Variants in FOXN3 observed in about 807,000 individuals in gnomAD.
FOXN3 encodes the protein forkhead box protein N3.
A neutral mutation model predicts 38.4 loss-of-function variants in FOXN3; 7 were observed. The ratio of observed to expected loss-of-function variants is 0.18; its 90% CI spans 0.10 to 0.34. FOXN3 has a LOEUF of 0.34. FOXN3 is among the 10% of genes least tolerant of loss of function. FOXN3 has a pLI of 1.00. For missense variants in FOXN3, 456 were observed against 613.4 expected, an observed-to-expected ratio of 0.74 and a Z score of 2.71; for synonymous variants, 230 against 242.2, an observed-to-expected ratio of 0.95 and a Z score of 0.47.
chr14:89,614,236 C>T (rs897092677), intron 1 of FOXN3, among the ~76,000 whole-genome samples: 2 of 152,162 alleles, frequency 1.3e-5, no homozygotes, highest in Non-Finnish European at 2.9e-5. Context: ...AATAGAATAA[C>T]AGTGATAGAA....
intron 1 of FOXN3, among the ~76,000 whole-genome samples, chr14:89,524,232 A>C (rs2139825645): frequency 6.8e-6 from 1 of 147,794 alleles, no homozygotes; most frequent in Admixed American, 6.7e-5. Context: ...AAATTAGCCA[A>C]GCGAGGTGGT....
chr14:89,436,609 C>G (rs79854945), intron 1 of FOXN3, among the ~76,000 whole-genome samples: 7 of 152,224 alleles, frequency 4.6e-5, no homozygotes. Context: ...CACAAATCAA[C>G]AAGATCCCCC....
chr14:89,566,189 A>G (rs1029789034), intron 1 of FOXN3, among the ~76,000 whole-genome samples: 4 of 152,172 alleles, frequency 2.6e-5, no homozygotes, highest in Non-Finnish European at 5.9e-5. Context: ...ACACTGTACT[A>G]TTTTACCTTT....
rs1158555045 is a variant in FOXN3 at position 89,360,846 on chromosome 14, ACCAC to A, written c.544-10042_544-10039del. Among the ~76,000 whole-genome samples, 19 of 81,660 alleles carry A rather than the reference ACCAC, an allele frequency of 2.3e-4. 2 individuals are homozygous for A. The highest frequency in any genetic ancestry group is 1.3e-3 in the African/African-American group (17 of 13,540). 53.6% of individuals were successfully genotyped at this position (81,660 alleles called of 152,430 possible). A position where few individuals can be genotyped will look rare whatever the true frequency, so the allele number is the denominator to read the frequency against. The stretch of plus-strand genomic sequence containing the variant: ...CACCTCCACCACTACCACCTCCAGC[ACCAC>A]CTCCACCACCACCTCCACCACCACC... On this transcript the variant is annotated intron_variant, in intron 2 of 5. Coordinates refer to ENST00000557258, the MANE Select transcript of FOXN3 (RefSeq NM_005197.4).
intron 1 of FOXN3, among the ~76,000 whole-genome samples, chr14:89,570,034 T>C (rs1224125900): frequency 6.7e-6 from 1 of 150,134 alleles, no homozygotes; most frequent in African/African-American, 2.5e-5. Flanking sequence ...GGAGTCTCAC[T>C]CTGTCGCTCA....
At chr14:89,605,622 A>G (rs551884899) in intron 1 of FOXN3, among the ~76,000 whole-genome samples, 1 of 152,280 alleles carries the variant, frequency 6.6e-6, no homozygotes, top group African/African-American at 2.4e-5. Flanking sequence ...ATATCCAGCT[A>G]CATTTGTACA....
chr14:89,336,853 T>C (rs1888476029), intron 3 of FOXN3, among the ~76,000 whole-genome samples: 1 of 151,998 alleles, frequency 6.6e-6, no homozygotes, highest in Non-Finnish European at 1.5e-5. Context: ...CATCAAAGAG[T>C]TGTATTAGAG....
chr14:89,190,028 C>T (rs1734074713), intron 4 of FOXN3, among the ~76,000 whole-genome samples: 1 of 152,202 alleles, frequency 6.6e-6, no homozygotes, highest in East Asian at 1.9e-4. Context: ...TTAAGTTGAC[C>T]CCATGTAGCC....
chr14:89,598,354 G>A (rs1896099612), intron 1 of FOXN3, among the ~76,000 whole-genome samples: 1 of 152,042 alleles, frequency 6.6e-6, no homozygotes, highest in Non-Finnish European at 1.5e-5. Context: ...TCTGAGCCTT[G>A]ATCGGGGATA....
chr14:89,581,345 G>A (rs10129616), intron 1 of FOXN3, among the ~76,000 whole-genome samples: 8,693 of 152,070 alleles, frequency 0.057, 573 homozygotes, highest in African/African-American at 0.14. Context: ...TGCTGGCCAC[G>A]GTGGTGTGTG....
intron 1 of FOXN3, among the ~76,000 whole-genome samples, chr14:89,435,374 A>T (rs1392531136): frequency 3.0e-5 from 4 of 132,328 alleles, no homozygotes; most frequent in Non-Finnish European, 4.8e-5. Flanking sequence ...CCTGTCTCTT[A>T]AAAAAAAAAA....
intron 3 of FOXN3, among the ~76,000 whole-genome samples, chr14:89,292,593 C>T (rs1025252620): frequency 6.6e-6 from 1 of 152,206 alleles, no homozygotes; most frequent in Non-Finnish European, 1.5e-5. Flanking sequence ...GAGCCACCCC[C>T]CTTTTCTGCC....
intron 4 of FOXN3, among the ~76,000 whole-genome samples, chr14:89,191,313 C>T (rs1423224493): frequency 6.6e-6 from 1 of 152,228 alleles, no homozygotes; most frequent in Non-Finnish European, 1.5e-5. Flanking sequence ...CTGAAAAGAA[C>T]ATCTGCCCCA....
chr14:89,400,842 C>G (rs904665351), intron 2 of FOXN3, among the ~76,000 whole-genome samples: 1 of 152,172 alleles, frequency 6.6e-6, no homozygotes. Context: ...ACCCTCCTCC[C>G]CTAGTACATT....
intron 1 of FOXN3, among the ~76,000 whole-genome samples, chr14:89,581,764 C>T (rs2139911545): frequency 6.6e-6 from 1 of 152,312 alleles, no homozygotes; most frequent in Non-Finnish European, 1.5e-5. Flanking sequence ...GGGATTCCCT[C>T]TCCTAGAGTC....
Position 89,316,610 on chromosome 14 carries a change from C to T in FOXN3, c.680+34062G>A, listed in dbSNP as rs1887725826. Among the ~76,000 whole-genome samples the T allele has an allele frequency of 2.6e-5, 4 of 151,618 alleles. No homozygotes were observed. The South Asian group carries it at 8.3e-4, about 32-fold the overall frequency. On this transcript the variant is annotated intron_variant, in intron 3 of 5. Coordinates refer to ENST00000557258, the MANE Select transcript of FOXN3 (RefSeq NM_005197.4). ...TCCTGGGCTCAAGTGATCCTCTCAC[C>T]TCAGCCTCCCAAAGTGCTGGGATTA... is the stretch of plus-strand genomic sequence containing the variant.
chr14:89,374,346 C>A (rs1368110399), intron 2 of FOXN3, among the ~76,000 whole-genome samples: 1 of 148,910 alleles, frequency 6.7e-6, no homozygotes. Flanking sequence ...ACTAGTACAA[C>A]CACTTTGAAA....
intron 4 of FOXN3, among the ~76,000 whole-genome samples, chr14:89,236,230 T>C (rs961397764): frequency 2.6e-5 from 4 of 152,176 alleles, no homozygotes; most frequent in African/African-American, 9.7e-5. Context: ...GAGAGTAGCA[T>C]GCAGGCCGGG....
At chr14:89,304,997 T>C (rs1402065772) in intron 3 of FOXN3, among the ~76,000 whole-genome samples, 1 of 151,936 alleles carries the variant, frequency 6.6e-6, no homozygotes, top group African/African-American at 2.4e-5. Context: ...TTTTCTTCCT[T>C]CTTAATTCTA....
Sources: gnomAD v4.1 joint callset for allele counts (sites outside exome capture counted in the v4.1 genomes callset) on GRCh38, gnomAD v4.1.1 for gene constraint, MANE v1.5 for transcripts, NCBI Gene and HGNC (gene_info 2026-07-23, HGNC 2026-07-21) for gene names.